Variants in ADAM23 observed in about 807,000 individuals in gnomAD.
ADAM23 encodes ADAM metallopeptidase domain 23.
A neutral mutation model predicts 120.1 loss-of-function variants in ADAM23; 33 were observed. The observed-to-expected ratio is 0.27, with a 90% CI of 0.21 to 0.37. The LOEUF (loss-of-function observed/expected upper bound fraction) is 0.37, where lower values mean the gene tolerates loss of function less well. ADAM23 is among the 10% of genes least tolerant of loss of function. The pLI is 1.00. For synonymous variants in ADAM23, 367 were observed against 375.2 expected (o/e 0.98, Z 0.25); for missense variants, 862 against 1,058.2 (o/e 0.81, Z 2.57).
chr2:206,615,638 G>A (rs1328891853), intron 25 of ADAM23, among the ~76,000 whole-genome samples: 2 of 152,192 alleles, frequency 1.3e-5, no homozygotes, highest in Non-Finnish European at 2.9e-5. Context: ...GTCCTGGAAT[G>A]CCCCATTGGT....
intron 24 of ADAM23, among the ~76,000 whole-genome samples, chr2:206,598,195 CCA>C (rs2105854232): frequency 6.6e-6 from 1 of 152,260 alleles, no homozygotes; most frequent in South Asian, 2.1e-4. Flanking sequence ...AATTTTCTCT[CCA>C]CAGTGTTTCT....
intron 18 of ADAM23, among the ~76,000 whole-genome samples, chr2:206,580,903 G>T (rs1356514776): frequency 6.6e-6 from 1 of 152,106 alleles, no homozygotes; most frequent in African/African-American, 2.4e-5. Flanking sequence ...CTTGTTATTG[G>T]TCTATTCAGG....
At chr2:206,544,094 C>T (rs1697347773) in intron 6 of ADAM23, among the ~76,000 whole-genome samples, 1 of 152,146 alleles carries the variant, frequency 6.6e-6, no homozygotes, top group Admixed American at 6.5e-5. Flanking sequence ...TAACCCAACA[C>T]CACCTGTTCC....
At chr2:206,588,222 G>T in intron 20 of ADAM23, 68 bp downstream of exon 20, 3 of 1,531,580 alleles carry the variant, frequency 2.0e-6, no homozygotes, top group Non-Finnish European at 2.7e-6. Flanking sequence ...TTCTCTGCCA[G>T]TCTTGCTGAG....
intron 24 of ADAM23, chr2:206,608,021 A>G (rs1216528608): frequency 4.8e-6 from 2 of 420,860 alleles, no homozygotes; most frequent in Admixed American, 5.5e-5. Context: ...ACATGGTTAT[A>G]TATTTTTTTA....
intron 6 of ADAM23, among the ~76,000 whole-genome samples, chr2:206,545,408 C>T (rs1405087334): frequency 1.3e-5 from 2 of 152,116 alleles, no homozygotes. Flanking sequence ...ATCGCTTGAA[C>T]CTGGGAGGCA....
At chr2:206,617,145 A>G (rs1199827223) in intron 25 of ADAM23, among the ~76,000 whole-genome samples, 1 of 152,206 alleles carries the variant, frequency 6.6e-6, no homozygotes, top group Non-Finnish European at 1.5e-5. Context: ...GTTCACTGCT[A>G]TAGAACTGCT....
At chr2:206,503,161 C>T (rs571233546) in intron 3 of ADAM23, among the ~76,000 whole-genome samples, 13 of 152,242 alleles carry the variant, frequency 8.5e-5, no homozygotes, top group South Asian at 2.1e-4. Context: ...ACTTCAGGAT[C>T]GTCCTCCAGA....
chr2:206,588,172 G>T lies in ADAM23; in HGVS notation c.1852+18G>T. On this transcript the variant is annotated intron_variant, in intron 20 of 25. Transcript: ENST00000264377. ...GGGAACAAGTAGGTCGCACCTCCTTGCTTGGCGGTTACACATACCATTTTC... is the reference window on the plus strand; with the variant it reads ...GGGAACAAGTAGGTCGCACCTCCTTTCTTGGCGGTTACACATACCATTTTC... 2 of 1,613,508 alleles carry T rather than the reference G, an allele frequency of 1.2e-6. No homozygotes were observed. Among genetic ancestry groups the T allele is most frequent in the Non-Finnish European group, 1.7e-6 (2 of 1,179,624 alleles).
intron 17 of ADAM23, among the ~76,000 whole-genome samples, chr2:206,572,444 T>A (rs948421777): frequency 6.6e-6 from 1 of 152,208 alleles, no homozygotes; most frequent in African/African-American, 2.4e-5. Flanking sequence ...AACCATAGAA[T>A]TACATAATTT....
intron 4 of ADAM23, among the ~76,000 whole-genome samples, chr2:206,531,897 A>G (rs1419194515): frequency 6.6e-6 from 1 of 152,208 alleles, no homozygotes; most frequent in Non-Finnish European, 1.5e-5. Context: ...GCAAATGTTT[A>G]TAGGTGTCCT....
chr2:206,525,714 C>T (rs763680092), intron 3 of ADAM23, among the ~76,000 whole-genome samples: 19 of 152,056 alleles, frequency 1.2e-4, no homozygotes, highest in Non-Finnish European at 2.5e-4. Flanking sequence ...GCCTCAGCCT[C>T]CTGAGTAGCT....
intron 3 of ADAM23, among the ~76,000 whole-genome samples, chr2:206,504,805 C>T (rs1223248558): frequency 1.3e-5 from 2 of 152,158 alleles, no homozygotes; most frequent in Non-Finnish European, 2.9e-5. Flanking sequence ...CAGCCCATAG[C>T]TCTTGTCATT....
intron 3 of ADAM23, among the ~76,000 whole-genome samples, chr2:206,499,803 T>A (rs184246639): frequency 3.3e-5 from 5 of 152,122 alleles, no homozygotes; most frequent in Non-Finnish European, 1.5e-5. Flanking sequence ...TCTATTTTCA[T>A]GCAGCTTTGA....
intron 2 of ADAM23, among the ~76,000 whole-genome samples, chr2:206,452,398 A>G (rs1695214501): frequency 6.6e-6 from 1 of 152,180 alleles, no homozygotes; most frequent in African/African-American, 2.4e-5. Context: ...CTTTCTGCTC[A>G]CGGGTTGACT....
intron 2 of ADAM23, among the ~76,000 whole-genome samples, chr2:206,477,792 A>T: frequency 6.6e-6 from 1 of 150,672 alleles, no homozygotes; most frequent in East Asian, 1.9e-4. Flanking sequence ...ACTAAAAATG[A>T]TATGGCTGTA....
At chr2:206,488,303 G>C (rs1424421373) in intron 3 of ADAM23, among the ~76,000 whole-genome samples, 1 of 152,202 alleles carries the variant, frequency 6.6e-6, no homozygotes, top group Non-Finnish European at 1.5e-5. Context: ...CTGTGGTAGA[G>C]AAATGAGATT....
intron 6 of ADAM23, among the ~76,000 whole-genome samples, chr2:206,544,857 C>G (rs982166966): frequency 5.9e-5 from 9 of 151,850 alleles, no homozygotes; most frequent in Non-Finnish European, 1.0e-4. Context: ...ATACACAGTT[C>G]CGGGAAGTCC....
intron 2 of ADAM23, among the ~76,000 whole-genome samples, chr2:206,477,897 A>AAAAATATATAT (rs374524658): frequency 6.4e-5 from 6 of 93,574 alleles, no homozygotes; most frequent in East Asian, 2.6e-4. Flanking sequence ...AAAAAAAAAA[A>AAAAATATATAT]ATATATATAT....
Sources: gnomAD v4.1 joint callset for allele counts (sites outside exome capture counted in the v4.1 genomes callset) on GRCh38, gnomAD v4.1.1 for gene constraint, MANE v1.5 for transcripts, NCBI Gene and HGNC (gene_info 2026-07-23, HGNC 2026-07-21) for gene names.